The following ZNF718 variants were observed in gnomAD, a reference collection of about 807,000 sequenced individuals.
ZNF718 encodes the protein zinc finger protein 718.
In ZNF718, 3 loss-of-function variants were observed where a neutral mutation model predicts 2.6. That is an observed-to-expected ratio of 1.16 (90% confidence interval 0.53 to 3.01). ZNF718 has a LOEUF of 3.01. Among genes scored for constraint, ZNF718 ranks in the 30% most tolerant of loss-of-function variants. ZNF718 has a pLI of 0.03. For synonymous variants in ZNF718, 135 were observed against 77.9 expected (o/e 1.73, Z -3.86); for missense variants, 468 against 230.0 (o/e 2.03, Z -6.69).
rs995500568 is a variant in ZNF718, at chr4:171,074, C to T, written c.227-30007C>T. On this transcript the variant is annotated intron_variant and NMD_transcript_variant, in intron 3 of 4. Transcript: ENST00000642529. ...AGTTTTCCTTCTAACAGTCAGGACC[C>T]GCAGCTTCAGGTCTGTTGGAGTTTG... 3.3e-5 allele frequency among the ~76,000 whole-genome samples: 5 copies of T among 152,246 alleles called. No homozygotes were observed. The South Asian group carries it at 6.2e-4, about 19-fold the overall frequency.
chr4:176,656 CTCT>C lies in ZNF718; in HGVS notation c.227-24420_227-24418del, dbSNP rs1717351691. 3.9e-5 allele frequency among the ~76,000 whole-genome samples: 6 copies of C among 152,330 alleles called. No homozygotes were observed. The South Asian group carries it at 1.2e-3, about 32-fold the overall frequency. On this transcript the variant is annotated intron_variant and NMD_transcript_variant, in intron 3 of 4. Coordinates refer to the ZNF718 transcript ENST00000642529. ...ATGCCACTGAATTCTACCTCAATCA[CTCT>C]TCTTGCAGTCAATCCAACCCATGGT...
chr4:160,859 A>C, intron 3 of ZNF718, 53 bp from the exon 4 acceptor site: 1 of 704,356 alleles, frequency 1.4e-6, no homozygotes, highest in Non-Finnish European at 2.6e-6. Flanking sequence ...CCTGTAAAGT[A>C]TATTTATATG....
downstream of ZNF718, among the ~76,000 whole-genome samples, chr4:168,046 A>T (rs771495398): frequency 1.1e-4 from 16 of 152,080 alleles, no homozygotes; most frequent in Non-Finnish European, 1.9e-4. Flanking sequence ...ATTTATTGAG[A>T]GTTTTTAGTA....
intron 3 of ZNF718, among the ~76,000 whole-genome samples, chr4:148,247 G>A (rs958562820): frequency 8.5e-5 from 13 of 152,092 alleles, no homozygotes; most frequent in Admixed American, 2.6e-4. Flanking sequence ...GCAGGTTTCA[G>A]GCTAGGAAAA....
intron 3 of ZNF718, among the ~76,000 whole-genome samples, chr4:152,962 T>C (rs557865655): frequency 6.6e-6 from 1 of 151,750 alleles, no homozygotes; most frequent in South Asian, 2.1e-4. Context: ...ACATGTACTT[T>C]GAGGTCTTAA....
chr4:170,220 G>A (rs782542799), intron 3 of ZNF718, among the ~76,000 whole-genome samples: 9 of 152,202 alleles, frequency 5.9e-5, no homozygotes, highest in Non-Finnish European at 1.0e-4. Context: ...GAGATCAGCT[G>A]TTAGTCTGAT....
At chr4:168,650 A>G (rs1396108823), downstream of ZNF718, among the ~76,000 whole-genome samples, 1 of 152,178 alleles carries the variant, frequency 6.6e-6, no homozygotes, top group African/African-American at 2.4e-5. Flanking sequence ...AGAGTTGTTT[A>G]TAGTATTCTC....
At chr4:145,649 G>C (rs1466419083) in intron 3 of ZNF718, among the ~76,000 whole-genome samples, 1 of 151,916 alleles carries the variant, frequency 6.6e-6, no homozygotes, top group Non-Finnish European at 1.5e-5. Context: ...ATAGAGGCAG[G>C]GTTTTGCCAT....
At position 132,557 on chromosome 4, in the gene ZNF718, G is replaced by A. The variant is rs1462035760; in HGVS notation, c.226+1052G>A. Among the ~76,000 whole-genome samples, 5 of 103,026 alleles carry A rather than the reference G, an allele frequency of 4.9e-5. 1 individual carries two copies. The highest frequency in any genetic ancestry group is 1.7e-4 in the African/African-American group (5 of 29,668). 67.6% of individuals were successfully genotyped at this position (103,026 alleles called of 152,430 possible). A position where few individuals can be genotyped will look rare whatever the true frequency, so the allele number is the denominator to read the frequency against. On this transcript the variant is annotated intron_variant, in intron 3 of 3. Transcript: ENST00000510175. ...TGTACGGTGACTAGTGGATATATTG[G>A]GATTTGGTTCAGAGATCCCAGGAAC...
chr4:197,090 G>A (rs1272020538), intron 3 of ZNF718, among the ~76,000 whole-genome samples: 5 of 141,856 alleles, frequency 3.5e-5, no homozygotes, highest in African/African-American at 5.0e-5. Flanking sequence ...AGCTTTTTAA[G>A]CATGTACTTC....
chr4:143,474 G>A (rs1410856256), intron 3 of ZNF718, among the ~76,000 whole-genome samples: 2 of 152,186 alleles, frequency 1.3e-5, no homozygotes, highest in African/African-American at 4.8e-5. Context: ...GCGTGAGCCA[G>A]TGTGCACGGC....
intron 3 of ZNF718, among the ~76,000 whole-genome samples, chr4:172,062 A>G (rs1717248042): frequency 6.6e-6 from 1 of 152,218 alleles, no homozygotes; most frequent in Admixed American, 6.5e-5. Flanking sequence ...AGAATAGTCT[A>G]TATTCTATAT....
In ZNF718 at chr4:162,035, C is replaced by G. The variant is rs782163716; in HGVS notation, c.1350C>G (p.Pro450=). Residue 450 remains proline, a synonymous_variant, in exon 4 of 4, where the codon CCC becomes CCG. Transcript: ENST00000510175. ...AGAAAATTCACACTGTAGATAAACC[C>G]TACAAATGTAAAGAATGCGGGAAAG... is the stretch of plus-strand genomic sequence containing the variant. ...KHKKIHTVDK[P]YKCKECGKAF... 1 of 777,594 alleles carries G rather than the reference C, an allele frequency of 1.3e-6. No individual in the cohort carries two copies. Among genetic ancestry groups the G allele is most frequent in the Non-Finnish European group, 2.4e-6 (1 of 416,276 alleles). The allele number at this position is 777,594 out of a possible 1,614,324, so 48.2% of individuals were successfully genotyped here. A position where few individuals can be genotyped will look rare whatever the true frequency, so the allele number is the denominator to read the frequency against.
intron 3 of ZNF718, among the ~76,000 whole-genome samples, chr4:159,100 G>A (rs1410926056): frequency 1.3e-5 from 2 of 149,746 alleles, no homozygotes; most frequent in Admixed American, 6.7e-5. Flanking sequence ...GCAGTGGCGC[G>A]ATCTTGGCTC....
At chr4:124,934 C>A (rs1715130915) in intron 1 of ZNF718, 3 of 416,412 alleles carry the variant, frequency 7.2e-6, no homozygotes, top group South Asian at 2.7e-5. Flanking sequence ...CCGGAAGACA[C>A]CGCGGCGGCC....
chr4:158,029 A>C (rs1243920633), intron 3 of ZNF718, among the ~76,000 whole-genome samples: 2 of 152,218 alleles, frequency 1.3e-5, no homozygotes, highest in Non-Finnish European at 2.9e-5. Context: ...ATACACACAC[A>C]CACATTAATA....
intron 3 of ZNF718, among the ~76,000 whole-genome samples, chr4:197,014 C>T (rs1437018782): frequency 2.0e-5 from 3 of 149,466 alleles, no homozygotes; most frequent in African/African-American, 7.3e-5. Context: ...CAGCCCATCC[C>T]CATCTTGGGA....
chr4:125,325 TGAG>T (rs1236396790), intron 1 of ZNF718: 3 of 152,370 alleles, frequency 2.0e-5, no homozygotes, highest in Non-Finnish European at 2.9e-5. Flanking sequence ...TTATTGAACT[TGAG>T]GAGGGTGTGG....
At chr4:179,751 C>T (rs897697654) in intron 3 of ZNF718, among the ~76,000 whole-genome samples, 4 of 152,066 alleles carry the variant, frequency 2.6e-5, no homozygotes, top group African/African-American at 4.8e-5. Context: ...AACAAATGTC[C>T]GTCTTTGGCC....
Sources: gnomAD v4.1 joint callset for allele counts (sites outside exome capture counted in the v4.1 genomes callset) on GRCh38, gnomAD v4.1.1 for gene constraint, MANE v1.5 for transcripts, NCBI Gene and HGNC (gene_info 2026-07-23, HGNC 2026-07-21) for gene names.